Variants in ARHGAP28 observed in about 807,000 individuals in gnomAD.
ARHGAP28 encodes rho GTPase-activating protein 28.
In ARHGAP28, 56 loss-of-function variants were observed where a neutral mutation model predicts 90.7. The observed-to-expected ratio is 0.62, with a 90% CI of 0.50 to 0.77. The LOEUF is 0.77. ARHGAP28 is among the 30% of genes least tolerant of loss of function. The probability of loss-of-function intolerance (pLI) is 0.00; values close to 1 mark genes in which losing one functional copy is unlikely to be tolerated. For missense variants in ARHGAP28, 869 were observed against 900.9 expected (o/e 0.96, Z 0.45); for synonymous variants, 308 against 323.3 (o/e 0.95, Z 0.51).
At chr18:6,730,011 C>A in intron 1 of ARHGAP28, 68 bp downstream of exon 1, 3 of 1,279,816 alleles carry the variant, frequency 2.3e-6, no homozygotes, top group Non-Finnish European at 2.0e-6. Flanking sequence ...CGTGCAGCTG[C>A]GCCTTGTGCC....
At chr18:6,886,021 C>A (rs189127019) in intron 11 of ARHGAP28, among the ~76,000 whole-genome samples, 60 of 152,232 alleles carry the variant, frequency 3.9e-4, no homozygotes, top group Non-Finnish European at 7.5e-4. Flanking sequence ...ATCCACAAAT[C>A]TACACATGGA....
chr18:6,816,323 G>A (rs1203877063), intron 1 of ARHGAP28, among the ~76,000 whole-genome samples: 2 of 152,194 alleles, frequency 1.3e-5, no homozygotes, highest in South Asian at 4.1e-4. Flanking sequence ...AGATTACTGA[G>A]AAGCCAGAGC....
intron 3 of ARHGAP28, among the ~76,000 whole-genome samples, chr18:6,843,714 C>A (rs2056844790): frequency 6.6e-6 from 1 of 152,120 alleles, no homozygotes; most frequent in Non-Finnish European, 1.5e-5. Context: ...GTACTTATTC[C>A]TTTCAGAAAA....
intron 2 of ARHGAP28, among the ~76,000 whole-genome samples, chr18:6,832,012 G>GT (rs1338571424): frequency 6.6e-6 from 1 of 151,934 alleles, no homozygotes; most frequent in Non-Finnish European, 1.5e-5. Context: ...TTTTGTTTAT[G>GT]TTTTTGTGTT....
At chr18:6,770,587 C>G (rs2143402426) in intron 1 of ARHGAP28, among the ~76,000 whole-genome samples, 1 of 152,324 alleles carries the variant, frequency 6.6e-6, no homozygotes, top group Middle Eastern at 3.4e-3. Flanking sequence ...ATCTGATAAC[C>G]TTCTATAGTT....
intron 10 of ARHGAP28, among the ~76,000 whole-genome samples, chr18:6,878,263 C>A (rs182588683): frequency 6.8e-6 from 1 of 146,160 alleles, no homozygotes; most frequent in East Asian, 2.0e-4. Flanking sequence ...CCAAACACCG[C>A]ATGTTCTCAC....
intron 11 of ARHGAP28, among the ~76,000 whole-genome samples, chr18:6,884,602 G>A (rs1042051984): frequency 5.9e-5 from 9 of 152,168 alleles, no homozygotes; most frequent in African/African-American, 9.6e-5. Flanking sequence ...CTTTTAAGCC[G>A]GCAGTTTGCT....
intron 1 of ARHGAP28, among the ~76,000 whole-genome samples, chr18:6,798,446 G>A (rs1272176462): frequency 3.3e-5 from 5 of 152,100 alleles, no homozygotes; most frequent in African/African-American, 1.2e-4. Flanking sequence ...TGCCCGCCTC[G>A]GCCTCCCAAA....
At chr18:6,839,557 A>C (rs1420861905) in intron 3 of ARHGAP28, among the ~76,000 whole-genome samples, 1 of 152,164 alleles carries the variant, frequency 6.6e-6, no homozygotes, top group Admixed American at 6.5e-5. Context: ...TCGGCCTCCC[A>C]AAGTGCTGGG....
intron 16 of ARHGAP28, among the ~76,000 whole-genome samples, chr18:6,908,479 T>A (rs1409464852): frequency 3.3e-5 from 5 of 152,168 alleles, no homozygotes; most frequent in Admixed American, 1.3e-4. Flanking sequence ...TGCAATGAAG[T>A]CAGCCTTAGA....
At position 6,735,678 on chromosome 18, in the gene ARHGAP28, C is replaced by G. The variant is rs114597639; in HGVS notation, c.122+5735C>G. ...TAAGCAATCCTCCCATCTCAGCCTC[C>G]TGAGTCGCTGAGGCTACAGGCACAT... On this transcript the variant is annotated intron_variant, in intron 1 of 17. Transcript: ENST00000383472. 4.8e-3 allele frequency among the ~76,000 whole-genome samples: 723 copies of G among 152,078 alleles called. 4 individuals are homozygous for G. The highest frequency in any genetic ancestry group is 0.014 in the African/African-American group (597 of 41,478).
At chr18:6,847,669 A>C (rs1428731035) in intron 3 of ARHGAP28, among the ~76,000 whole-genome samples, 1 of 151,464 alleles carries the variant, frequency 6.6e-6, no homozygotes, top group Non-Finnish European at 1.5e-5. Context: ...GACAAGTGGT[A>C]ATCTTCAAAC....
rs945803982 is a variant in ARHGAP28, at chr18:6,801,168, T to C, written c.123-23594T>C. On this transcript the variant is annotated intron_variant, in intron 1 of 17. Transcript: ENST00000383472. ...AGGTCTATGATCCATTTTGAGTTCA[T>C]TTTTGTATATGGTGTGTGGTATGAA... 2.0e-5 allele frequency among the ~76,000 whole-genome samples: 3 copies of C among 152,204 alleles called. No individual in the cohort carries two copies. In the East Asian group the frequency reaches 5.8e-4, roughly 29 times the overall value.
At chr18:6,749,577 T>A (rs2056052545) in intron 1 of ARHGAP28, among the ~76,000 whole-genome samples, 1 of 152,156 alleles carries the variant, frequency 6.6e-6, no homozygotes, top group Admixed American at 6.5e-5. Context: ...TCATCATGCT[T>A]TTTCACATTG....
rs1024776732 is a variant in ARHGAP28 at position 6,814,600 on chromosome 18, A to G, written c.123-10162A>G. On this transcript the variant is annotated intron_variant, in intron 1 of 17. Coordinates refer to ENST00000383472, the MANE Select transcript of ARHGAP28 (RefSeq NM_001366230.1). ...AAATACATCACAGCATCAGAGAGGC[A>G]GGAGGGAGCTAGAAAGTCAAGGTAA... is the stretch of plus-strand genomic sequence containing the variant. Among the ~76,000 whole-genome samples, 8 of 152,328 alleles carry G rather than the reference A, an allele frequency of 5.3e-5. No homozygotes were observed. The East Asian group carries it at 5.8e-4, about 11-fold the overall frequency.
rs534218816 is a variant in ARHGAP28 at position 6,847,277 on chromosome 18, C to T, written c.544-3757C>T. Among the ~76,000 whole-genome samples, 67 of 152,140 alleles carry T rather than the reference C, an allele frequency of 4.4e-4. 1 individual carries two copies. In the South Asian group the frequency reaches 6.7e-3, roughly 15 times the overall value. ...TCAATCTCACACCATACGCACACCC[C>T]CACCCCTAACAAGGGACTCTCATTA... On this transcript the variant is annotated intron_variant, in intron 3 of 17. Coordinates refer to ENST00000383472, the MANE Select transcript of ARHGAP28 (RefSeq NM_001366230.1).
intron 2 of ARHGAP28, among the ~76,000 whole-genome samples, chr18:6,828,662 C>A (rs539315877): frequency 6.6e-6 from 1 of 152,254 alleles, no homozygotes; most frequent in African/African-American, 2.4e-5. Flanking sequence ...TATCCCAGCA[C>A]CATTTATTGA....
At chr18:6,845,636 C>A (rs1410410307) in intron 3 of ARHGAP28, among the ~76,000 whole-genome samples, 1 of 152,194 alleles carries the variant, frequency 6.6e-6, no homozygotes, top group African/African-American at 2.4e-5. Flanking sequence ...AATGTGTTCT[C>A]ATCATTCAGC....
At chr18:6,752,562 A>C (rs2056078008) in intron 1 of ARHGAP28, among the ~76,000 whole-genome samples, 1 of 152,210 alleles carries the variant, frequency 6.6e-6, no homozygotes, top group Non-Finnish European at 1.5e-5. Context: ...TGCAAACCTC[A>C]TGGAGAATAA....
Sources: allele counts gnomAD v4.1 joint callset (sites outside exome capture counted in the v4.1 genomes callset), GRCh38; gene constraint gnomAD v4.1.1; transcripts MANE v1.5; gene names NCBI Gene and HGNC (gene_info 2026-07-23, HGNC 2026-07-21).